Variants in ARHGAP28 observed in about 807,000 individuals in gnomAD.
The protein encoded by ARHGAP28 is Rho GTPase activating protein 28.
ARHGAP28 carries 56 observed loss-of-function variants against 90.7 expected under a neutral mutation model. That is an observed-to-expected ratio of 0.62 (90% CI 0.50 to 0.77). The LOEUF (loss-of-function observed/expected upper bound fraction) is 0.77. Among genes scored for constraint, ARHGAP28 ranks in the 30% least tolerant of loss-of-function variants. ARHGAP28 has a pLI of 0.00. For synonymous variants in ARHGAP28, 308 were observed against 323.3 expected (o/e 0.95, Z 0.51); for missense variants, 869 against 900.9 (o/e 0.96, Z 0.45).
chr18:6,783,653 G>A (rs548839510), intron 1 of ARHGAP28, among the ~76,000 whole-genome samples: 2 of 152,264 alleles, frequency 1.3e-5, no homozygotes, highest in African/African-American at 4.8e-5. Flanking sequence ...TTAATCAGAA[G>A]TTCACTCTTA....
intron 1 of ARHGAP28, among the ~76,000 whole-genome samples, chr18:6,732,089 A>C (rs2143103511): frequency 1.1e-5 from 1 of 89,444 alleles, no homozygotes; most frequent in South Asian, 6.0e-4. Context: ...ACCTGAGTTT[A>C]TATGTTTTTA....
At chr18:6,744,726 G>C (rs1023441559) in intron 1 of ARHGAP28, among the ~76,000 whole-genome samples, 1 of 152,040 alleles carries the variant, frequency 6.6e-6, no homozygotes, top group Non-Finnish European at 1.5e-5. Context: ...TTGTGTTTAA[G>C]GTTTTCTTTG....
chr18:6,907,989 C>T (rs1262433380), intron 16 of ARHGAP28, among the ~76,000 whole-genome samples: 1 of 152,138 alleles, frequency 6.6e-6, no homozygotes, highest in Non-Finnish European at 1.5e-5. Context: ...GAAAGTCACT[C>T]CTTGATGGGG....
chr18:6,733,827 C>A (rs991725037), intron 1 of ARHGAP28, among the ~76,000 whole-genome samples: 10 of 152,044 alleles, frequency 6.6e-5, no homozygotes, highest in Non-Finnish European at 1.5e-5. Flanking sequence ...TTTGATATTA[C>A]AACAACAACA....
At chr18:6,911,948 GA>G (rs2143891106) in intron 17 of ARHGAP28, 111 bp from the exon 18 acceptor site, 1 of 544,762 alleles carries the variant, frequency 1.8e-6, no homozygotes, top group East Asian at 3.2e-5. Flanking sequence ...CTTTGGCCAA[GA>G]AAACTATATT....
At chr18:6,733,121 C>T (rs998351398) in intron 1 of ARHGAP28, among the ~76,000 whole-genome samples, 1 of 152,072 alleles carries the variant, frequency 6.6e-6, no homozygotes, top group African/African-American at 2.4e-5. Flanking sequence ...ATAAGTGAAA[C>T]CACCTGAAGT....
intron 10 of ARHGAP28, among the ~76,000 whole-genome samples, chr18:6,876,553 G>A (rs1181213952): frequency 1.3e-5 from 2 of 152,146 alleles, no homozygotes; most frequent in Admixed American, 6.5e-5. Context: ...AAGTTGAAAC[G>A]TCTCACTGCT....
At chr18:6,797,388 G>A (rs1287498364) in intron 1 of ARHGAP28, among the ~76,000 whole-genome samples, 3 of 152,158 alleles carry the variant, frequency 2.0e-5, no homozygotes, top group African/African-American at 4.8e-5. Flanking sequence ...ATCTGTCTTC[G>A]CTTCAGAACA....
chr18:6,850,848 T>C, intron 3 of ARHGAP28, 186 bp from the exon 4 acceptor site: 1 of 1,522,678 alleles, frequency 6.6e-7, no homozygotes, highest in Non-Finnish European at 8.7e-7. Context: ...ATGGCATTTA[T>C]GAGGATCAAT....
chr18:6,784,301 C>G (rs1431764868), intron 1 of ARHGAP28, among the ~76,000 whole-genome samples: 3 of 152,174 alleles, frequency 2.0e-5, no homozygotes, highest in Non-Finnish European at 4.4e-5. Context: ...GAATCAGAGT[C>G]TGCATTTTAA....
At chr18:6,781,656 G>A (rs1056137901) in intron 1 of ARHGAP28, among the ~76,000 whole-genome samples, 4 of 152,108 alleles carry the variant, frequency 2.6e-5, no homozygotes, top group Non-Finnish European at 4.4e-5. Context: ...CCCAAACTTC[G>A]TGGAGAAGCC....
intron 1 of ARHGAP28, among the ~76,000 whole-genome samples, chr18:6,750,668 G>C (rs928567936): frequency 2.6e-5 from 4 of 152,192 alleles, no homozygotes; most frequent in African/African-American, 7.2e-5. Flanking sequence ...ATGGTGAGAG[G>C]GAAAGAGTGT....
chr18:6,784,577 G>A lies in ARHGAP28; in HGVS notation c.123-40185G>A, dbSNP rs192269822. On this transcript the variant is annotated intron_variant, in intron 1 of 17. Transcript: ENST00000383472. ...ATTCCATTCTAAACTCCAGGCAAGG[G>A]GGCAGATGTTAGGGATACAAAGAAT... Among the ~76,000 whole-genome samples the A allele has an allele frequency of 9.3e-4, 142 of 152,258 alleles. 1 individual carries two copies. Among genetic ancestry groups the A allele is most frequent in the African/African-American group, 3.2e-3 (135 of 41,550 alleles).
At chr18:6,861,831 C>A (rs1045619921) in intron 5 of ARHGAP28, among the ~76,000 whole-genome samples, 4 of 152,180 alleles carry the variant, frequency 2.6e-5, no homozygotes, top group African/African-American at 7.2e-5. Flanking sequence ...TCTTACTGAG[C>A]ACATATTGTC....
chr18:6,840,161 G>A (rs1344852138), intron 3 of ARHGAP28, among the ~76,000 whole-genome samples: 1 of 152,146 alleles, frequency 6.6e-6, no homozygotes, highest in Admixed American at 6.5e-5. Context: ...GTAAATAAAA[G>A]GAGGGCCTGA....
intron 1 of ARHGAP28, among the ~76,000 whole-genome samples, chr18:6,773,601 C>G (rs2056260518): frequency 6.6e-6 from 1 of 152,100 alleles, no homozygotes; most frequent in Admixed American, 6.6e-5. Context: ...TCAACCAGAC[C>G]CTTGCCTTCT....
chr18:6,798,393 C>G (rs1331076641), intron 1 of ARHGAP28, among the ~76,000 whole-genome samples: 6 of 152,118 alleles, frequency 3.9e-5, no homozygotes, highest in Non-Finnish European at 5.9e-5. Flanking sequence ...GGGGTTTTCC[C>G]ATGTTGGCCA....
chr18:6,845,912 C>T (rs999334451), intron 3 of ARHGAP28, among the ~76,000 whole-genome samples: 1 of 152,142 alleles, frequency 6.6e-6, no homozygotes, highest in African/African-American at 2.4e-5. Flanking sequence ...CATCAGAGCC[C>T]ATCTTGTCCA....
Position 6,818,118 on chromosome 18 carries a change from C to T in ARHGAP28, c.123-6644C>T, listed in dbSNP as rs558096680. Among the ~76,000 whole-genome samples, 7 of 152,262 alleles carry T rather than the reference C, an allele frequency of 4.6e-5. No homozygotes were observed. In the East Asian group the frequency reaches 7.7e-4, roughly 17 times the overall value. ...GTATTCACTCCTCGTAACAGCCCCT[C>T]GAAGTGCATGTGATTAATATCCCCA... On this transcript the variant is annotated intron_variant, in intron 1 of 17. Coordinates refer to ENST00000383472, the MANE Select transcript of ARHGAP28 (RefSeq NM_001366230.1).
Sources: gnomAD v4.1 joint callset for allele counts (sites outside exome capture counted in the v4.1 genomes callset) on GRCh38, gnomAD v4.1.1 for gene constraint, MANE v1.5 for transcripts, NCBI Gene and HGNC (gene_info 2026-07-23, HGNC 2026-07-21) for gene names.